RMND5B: variants seen among roughly 807,000 people sequenced by gnomAD.
RMND5B encodes required for meiotic nuclear division 5 homolog B.
A neutral mutation model predicts 50.4 loss-of-function variants in RMND5B; 42 were observed. That is an observed-to-expected ratio of 0.83 (90% CI 0.65 to 1.08). The LOEUF (loss-of-function observed/expected upper bound fraction) is 1.08. Among genes scored for constraint, RMND5B ranks in the 50% least tolerant of loss-of-function variants. The pLI, the probability that RMND5B is intolerant of heterozygous loss-of-function variation, is 0.00. For missense variants in RMND5B, 463 were observed against 508.5 expected, an observed-to-expected ratio of 0.91 and a Z score of 0.86; for synonymous variants, 220 against 210.0, an observed-to-expected ratio of 1.05 and a Z score of -0.41.
intron 6 of RMND5B, 72 bp from the exon 7 acceptor site, chr5:178,143,870 C>G: frequency 1.3e-6 from 2 of 1,567,038 alleles, no homozygotes; most frequent in Non-Finnish European, 8.8e-7. Context: ...TTTTGGGGCC[C>G]TCCTCTCAGG....
chr5:178,135,384 A>G (rs1181376017), intron 2 of RMND5B: 2 of 164,762 alleles, frequency 1.2e-5, no homozygotes, highest in African/African-American at 4.8e-5. Flanking sequence ...TGACCTCCCA[A>G]AATGCTGAGA....
Position 178,148,419 on chromosome 5 carries a change from C to G in RMND5B, c.*387C>G. On this transcript the variant is annotated 3_prime_UTR_variant, in exon 11 of 11. Coordinates refer to ENST00000313386, the MANE Select transcript of RMND5B (RefSeq NM_022762.5). ...GCCAATGCTATGTCCACCCTTGCCC[C>G]TCGGCCCAAGAGTGTCCAGCGGTGG... is the stretch of plus-strand genomic sequence containing the variant. The G allele has an allele frequency of 3.1e-6, 1 of 327,828 alleles. No homozygotes were observed. The highest frequency in any genetic ancestry group is 5.9e-6 in the Non-Finnish European group (1 of 170,024). 20.3% of individuals were successfully genotyped at this position (327,828 alleles called of 1,614,324 possible). A position where few individuals can be genotyped will look rare whatever the true frequency, so the allele number is the denominator to read the frequency against.
At chr5:178,132,247 C>A (rs1405562494) in intron 2 of RMND5B, among the ~76,000 whole-genome samples, 2 of 151,838 alleles carry the variant, frequency 1.3e-5, no homozygotes, top group Non-Finnish European at 2.9e-5. Flanking sequence ...TCAAGACCAG[C>A]CTGGCCAACA....
chr5:178,141,685 AAAAT>A (rs1317271679), intron 3 of RMND5B: 7 of 152,172 alleles, frequency 4.6e-5, no homozygotes, highest in Non-Finnish European at 7.3e-5. Flanking sequence ...ACTCGGTCTC[AAAAT>A]AAATAAATAC....
chr5:178,147,794 G>A lies in RMND5B; in HGVS notation c.1029G>A (p.Gln343=), dbSNP rs755572343. 3.5e-5 allele frequency: 56 copies of A among 1,614,054 alleles called. No individual in the cohort carries two copies. In the Admixed American group the frequency reaches 9.2e-4, roughly 26 times the overall value. Residue 343 remains glutamine, a synonymous_variant, in exon 10 of 11, where the codon CAG becomes CAA. Coordinates refer to ENST00000313386, the MANE Select transcript of RMND5B (RefSeq NM_022762.5). ...TGTTCGCTTGCCCCATCCTCCGCCA[G>A]CAGACGTCAGATTCCAACCCTCCCA... ...HSVFACPILR[Q]QTSDSNPPIK...
intron 2 of RMND5B, among the ~76,000 whole-genome samples, chr5:178,134,320 G>A (rs1356367413): frequency 1.3e-5 from 2 of 152,180 alleles, no homozygotes; most frequent in Non-Finnish European, 2.9e-5. Context: ...CTCTAAAAAT[G>A]GGAACAACTT....
chr5:178,145,119 G>A (rs1229189215), intron 7 of RMND5B, among the ~76,000 whole-genome samples: 13 of 151,940 alleles, frequency 8.6e-5, no homozygotes, highest in Non-Finnish European at 7.4e-5. Flanking sequence ...GTGTGATCCC[G>A]GCTCACTGCA....
intron 8 of RMND5B, 121 bp from the exon 9 acceptor site, chr5:178,147,412 G>A (rs150113574): frequency 2.6e-5 from 18 of 688,494 alleles, no homozygotes; most frequent in South Asian, 2.4e-4. Flanking sequence ...TTTGAGGACC[G>A]ATTTGACCGT....
chr5:178,149,081 T>C lies in RMND5B; in HGVS notation c.*1049T>C, dbSNP rs1756191664. The stretch of plus-strand genomic sequence containing the variant: ...CGGGGGAATGCATTTTAGCTTCATA[T>C]TCCTATTTAAAATGTGCTGTGTGGG... On this transcript the variant is annotated 3_prime_UTR_variant, in exon 11 of 11. Transcript: ENST00000313386. The C allele has an allele frequency of 6.6e-6, 1 of 152,526 alleles. No homozygotes were observed. The highest frequency in any genetic ancestry group is 1.5e-5 in the Non-Finnish European group (1 of 68,314). 9.4% of individuals were successfully genotyped at this position (152,526 alleles called of 1,614,324 possible).
Position 178,148,426 on chromosome 5 carries a change from C to T in RMND5B, c.*394C>T. Reference sequence around the variant, plus strand: ...CTATGTCCACCCTTGCCCCTCGGCCCAAGAGTGTCCAGCGGTGGCCCACCT... The same window carrying T: ...CTATGTCCACCCTTGCCCCTCGGCCTAAGAGTGTCCAGCGGTGGCCCACCT... On this transcript the variant is annotated 3_prime_UTR_variant, in exon 11 of 11. Transcript: ENST00000313386. 3.3e-6 allele frequency: 1 copy of T among 305,152 alleles called. No homozygotes were observed. The highest frequency in any genetic ancestry group is 3.3e-5 in the South Asian group (1 of 30,012). 18.9% of individuals were successfully genotyped at this position (305,152 alleles called of 1,614,324 possible). A position where few individuals can be genotyped will look rare whatever the true frequency, so the allele number is the denominator to read the frequency against.
At chr5:178,131,693 C>G (rs1348268716) in intron 2 of RMND5B, among the ~76,000 whole-genome samples, 3 of 151,744 alleles carry the variant, frequency 2.0e-5, no homozygotes, top group Non-Finnish European at 4.4e-5. Flanking sequence ...GGGACATTTG[C>G]GTTGAGACCC....
intron 2 of RMND5B, among the ~76,000 whole-genome samples, chr5:178,131,910 G>C (rs1236815287): frequency 2.0e-5 from 3 of 152,162 alleles, no homozygotes; most frequent in African/African-American, 4.8e-5. Flanking sequence ...AGAGTCTGTA[G>C]GTCAGAGAGA....
rs1581135125 is a variant in RMND5B, at chr5:178,149,608, A to G, written c.*1576A>G. On this transcript the variant is annotated 3_prime_UTR_variant, in exon 11 of 11. Transcript: ENST00000313386. ...CCTGGGAAGAAGGCGTGCCTTGGGG[A>G]ACTGGGAAGATGCCGTCAGTGTGGG... The G allele has an allele frequency of 6.7e-7, 1 of 1,490,532 alleles. No individual in the cohort carries two copies. The highest frequency in any genetic ancestry group is 1.8e-5 in the Admixed American group (1 of 55,168). 92.3% of individuals were successfully genotyped at this position (1,490,532 alleles called of 1,614,324 possible). A position where few individuals can be genotyped will look rare whatever the true frequency, so the allele number is the denominator to read the frequency against.
rs1012086930 is a variant in RMND5B at position 178,137,272 on chromosome 5, G to A, written c.-12-836G>A. Among the ~76,000 whole-genome samples, 3 of 152,198 alleles carry A rather than the reference G, an allele frequency of 2.0e-5. No homozygotes were observed. The highest frequency in any genetic ancestry group is 7.2e-5 in the African/African-American group (3 of 41,436). On this transcript the variant is annotated intron_variant, in intron 2 of 10. Coordinates refer to ENST00000313386, the MANE Select transcript of RMND5B (RefSeq NM_022762.5). The surrounding 1 kb of genome is among the most constrained non-coding windows in gnomAD (Gnocchi z 4.4). Reference sequence around the variant, plus strand: ...GTCCGTCAGGCCAGCATGGTTGGCAGTTATTCCCCAAGCTGTGTTTCCAAA... The same window carrying A: ...GTCCGTCAGGCCAGCATGGTTGGCAATTATTCCCCAAGCTGTGTTTCCAAA...
chr5:178,145,114 A>AT lies in RMND5B; in HGVS notation c.695-999dup, dbSNP rs757437744. ...AGGCTGGAGTGCAGTAAGTGGTGTG[A>AT]TCCCGGCTCACTGCAACCTCCACCT... On this transcript the variant is annotated intron_variant, in intron 7 of 10. Coordinates refer to ENST00000313386, the MANE Select transcript of RMND5B (RefSeq NM_022762.5). Among the ~76,000 whole-genome samples the AT allele has an allele frequency of 3.5e-4, 53 of 152,196 alleles. 2 individuals are homozygous for AT. The highest frequency in any genetic ancestry group is 8.5e-4 in the Admixed American group (13 of 15,294).
rs1237625564 is a variant in RMND5B, at chr5:178,148,255, C to T, written c.*223C>T. Reference sequence around the variant, plus strand: ...TCCATGGCATAAGGAAAGGGAGATGCTGGCCTCTGTGCTCCTGCTGTCTTT... The same window carrying T: ...TCCATGGCATAAGGAAAGGGAGATGTTGGCCTCTGTGCTCCTGCTGTCTTT... On this transcript the variant is annotated 3_prime_UTR_variant, in exon 11 of 11. Coordinates refer to ENST00000313386, the MANE Select transcript of RMND5B (RefSeq NM_022762.5). 8.4e-6 allele frequency: 5 copies of T among 595,680 alleles called. No individual in the cohort carries two copies. Among genetic ancestry groups the T allele is most frequent in the African/African-American group, 1.9e-5 (1 of 53,778 alleles). The allele number at this position is 595,680 out of a possible 1,614,324, so 36.9% of individuals were successfully genotyped here. A position where few individuals can be genotyped will look rare whatever the true frequency, so the allele number is the denominator to read the frequency against.
chr5:178,145,869 T>A (rs1444240233), intron 7 of RMND5B: 4 of 481,744 alleles, frequency 8.3e-6, no homozygotes, highest in Non-Finnish European at 1.5e-5. Context: ...AGAACTGTCC[T>A]CATTCCTGAT....
At position 178,142,877 on chromosome 5, in the gene RMND5B, TTG is replaced by T; in HGVS notation, c.315_316del (p.Ser106ArgfsTer160). Reference sequence around the variant, plus strand: ...AACTTCGACTCTGAGATCTGTGGTGTTGTGTCAGATGCGGTGTGGGACGCGCG... The same window carrying T: ...AACTTCGACTCTGAGATCTGTGGTGTTGTCAGATGCGGTGTGGGACGCGCG... On this transcript the variant is annotated frameshift_variant, in exon 5 of 11. Coordinates refer to ENST00000313386, the MANE Select transcript of RMND5B (RefSeq NM_022762.5). LOFTEE classifies it high-confidence loss of function. 1.9e-6 allele frequency: 3 copies of T among 1,614,202 alleles called. No homozygotes were observed. The highest frequency in any genetic ancestry group is 2.5e-6 in the Non-Finnish European group (3 of 1,180,034).
At chr5:178,140,460 C>T (rs1440337047) in intron 3 of RMND5B, among the ~76,000 whole-genome samples, 1 of 151,936 alleles carries the variant, frequency 6.6e-6, no homozygotes, top group Non-Finnish European at 1.5e-5. Context: ...TTATGATCCG[C>T]TGCACCTGGC....
Sources: gnomAD v4.1 joint callset for allele counts (sites outside exome capture counted in the v4.1 genomes callset) on GRCh38, gnomAD v4.1.1 for gene constraint, Gnocchi (gnomAD v3.1) non-coding constraint, MANE v1.5 for transcripts, NCBI Gene and HGNC (gene_info 2026-07-23, HGNC 2026-07-21) for gene names.